Variants in NLGN1 observed in about 807,000 individuals in gnomAD.
NLGN1 encodes the protein neuroligin-1.
A neutral mutation model predicts 65.5 loss-of-function variants in NLGN1; 12 were observed. The ratio of observed to expected loss-of-function variants is 0.18; its 90% CI spans 0.12 to 0.30. The LOEUF (loss-of-function observed/expected upper bound fraction) is 0.30. Among genes scored for constraint, NLGN1 ranks in the 10% least tolerant of loss-of-function variants. The pLI is 1.00. For synonymous variants in NLGN1, 350 were observed against 359.5 expected (o/e 0.97, Z 0.30); for missense variants, 750 against 1,007.1 (o/e 0.74, Z 3.46).
intron 4 of NLGN1, among the ~76,000 whole-genome samples, chr3:174,186,203 CTG>C (rs1473074725): frequency 6.6e-6 from 1 of 152,054 alleles, no homozygotes; most frequent in Non-Finnish European, 1.5e-5. Context: ...TTTGAGAAAC[CTG>C]TGTTATTTCA....
intron 2 of NLGN1, among the ~76,000 whole-genome samples, chr3:173,601,974 A>G (rs889074890): frequency 8.5e-5 from 13 of 152,092 alleles, no homozygotes; most frequent in Non-Finnish European, 1.6e-4. Flanking sequence ...CAATTTCTTA[A>G]AAAGTGATCA....
intron 2 of NLGN1, among the ~76,000 whole-genome samples, chr3:173,475,539 C>A (rs778300651): frequency 3.9e-5 from 6 of 152,052 alleles, no homozygotes; most frequent in Non-Finnish European, 7.4e-5. Context: ...ATATGGTTTG[C>A]TAATTTTTTT....
At chr3:173,882,383 T>G (rs1347722483) in intron 4 of NLGN1, among the ~76,000 whole-genome samples, 2 of 152,198 alleles carry the variant, frequency 1.3e-5, no homozygotes, top group East Asian at 3.9e-4. Context: ...TTGACTTCTA[T>G]TTAGATATGA....
In NLGN1 at chr3:174,231,181, A is replaced by G. The variant is rs188265666; in HGVS notation, c.647-44134A>G. 7.1e-3 allele frequency among the ~76,000 whole-genome samples: 1,075 copies of G among 152,310 alleles called. 14 individuals are homozygous for G. Among genetic ancestry groups the G allele is most frequent in the Middle Eastern group, 0.027 (8 of 294 alleles). The stretch of plus-strand genomic sequence containing the variant: ...TTTTCTCAGTTATAATTTTTAGGGC[A>G]GTAATAAGAGAAAAACTTCAGCCGA... On this transcript the variant is annotated intron_variant, in intron 4 of 6. Coordinates refer to ENST00000457714, the Ensembl canonical transcript of NLGN1.
At chr3:173,438,709 G>A (rs1284727961) in intron 2 of NLGN1, among the ~76,000 whole-genome samples, 1 of 152,000 alleles carries the variant, frequency 6.6e-6, no homozygotes, top group East Asian at 1.9e-4. Flanking sequence ...TTTCAAAATG[G>A]GATTCTAAAG....
At chr3:173,863,256 TCATTTATGAC>T (rs1729502206) in intron 4 of NLGN1, among the ~76,000 whole-genome samples, 1 of 152,196 alleles carries the variant, frequency 6.6e-6, no homozygotes, top group Non-Finnish European at 1.5e-5. Context: ...CAGAACATTC[TCATTTATGAC>T]TTTTATATTT....
intron 4 of NLGN1, among the ~76,000 whole-genome samples, chr3:174,153,337 A>G (rs975207383): frequency 7.2e-5 from 11 of 152,084 alleles, no homozygotes; most frequent in African/African-American, 2.4e-4. Context: ...GTTAAACTCA[A>G]TTTTCCTTAG....
At chr3:173,421,335 C>T (rs1008302254) in intron 1 of NLGN1, among the ~76,000 whole-genome samples, 6 of 151,872 alleles carry the variant, frequency 4.0e-5, no homozygotes, top group Admixed American at 1.3e-4. Flanking sequence ...CCTTCAAATA[C>T]GTTAGTGTAC....
intron 4 of NLGN1, among the ~76,000 whole-genome samples, chr3:173,947,538 A>T (rs774046611): frequency 5.9e-5 from 9 of 152,192 alleles, no homozygotes; most frequent in Non-Finnish European, 1.2e-4. Flanking sequence ...TATTTTTTAA[A>T]TAATTACGCT....
chr3:174,279,277 C>T lies in NLGN1; in HGVS notation c.1276C>T (p.Pro426Ser), dbSNP rs770800576. 1.1e-5 allele frequency: 18 copies of T among 1,613,174 alleles called. No homozygotes were observed. Among genetic ancestry groups the T allele is most frequent in the Non-Finnish European group, 1.5e-5 (18 of 1,179,498 alleles). The change falls in exon 6 of 7, where the codon CCT becomes TCT. Residue 426 changes from proline to serine, a missense_variant. Transcript: ENST00000457714. The surrounding 1 kb of genome is among the most constrained non-coding windows in gnomAD (Gnocchi z 4.7). ...TTTTGTTGATAATTTATATGGATAT[C>T]CTGAAGGCAAAGATGTTTTGAGAGA...
chr3:173,701,205 C>G (rs1373857535), intron 3 of NLGN1, among the ~76,000 whole-genome samples: 2 of 152,150 alleles, frequency 1.3e-5, no homozygotes, highest in Admixed American at 6.5e-5. Context: ...TAATGTTCCC[C>G]TCACCATCCA....
At chr3:173,887,071 T>C (rs1734477003) in intron 4 of NLGN1, among the ~76,000 whole-genome samples, 1 of 152,132 alleles carries the variant, frequency 6.6e-6, no homozygotes. Context: ...GTATTCATCA[T>C]TGCCATTAGT....
intron 1 of NLGN1, among the ~76,000 whole-genome samples, chr3:173,417,494 A>G (rs1714040499): frequency 6.6e-6 from 1 of 151,908 alleles, no homozygotes; most frequent in Non-Finnish European, 1.5e-5. Flanking sequence ...TGGAAACAAT[A>G]ATTTTCTTTA....
chr3:173,882,731 T>G (rs946183290), intron 4 of NLGN1, among the ~76,000 whole-genome samples: 1 of 152,264 alleles, frequency 6.6e-6, no homozygotes, highest in Non-Finnish European at 1.5e-5. Context: ...ATATCATCAA[T>G]AAAGCTGTTT....
intron 4 of NLGN1, among the ~76,000 whole-genome samples, chr3:174,153,066 A>G (rs548877210): frequency 6.6e-6 from 1 of 152,068 alleles, no homozygotes; most frequent in Non-Finnish European, 1.5e-5. Flanking sequence ...CTTTGCAGAC[A>G]TAAAATACCA....
intron 4 of NLGN1, among the ~76,000 whole-genome samples, chr3:174,146,305 T>C (rs929592052): frequency 2.0e-5 from 3 of 152,164 alleles, no homozygotes. Flanking sequence ...TCAAATATTT[T>C]AAGATTTTTA....
At chr3:174,224,163 A>G (rs1204982232) in intron 4 of NLGN1, among the ~76,000 whole-genome samples, 1 of 152,192 alleles carries the variant, frequency 6.6e-6, no homozygotes, top group East Asian at 1.9e-4. Context: ...AACCACTTTC[A>G]GGGTTCTAGA....
At chr3:174,051,385 G>A (rs184586298) in intron 4 of NLGN1, among the ~76,000 whole-genome samples, 24 of 152,118 alleles carry the variant, frequency 1.6e-4, no homozygotes, top group Admixed American at 6.6e-4. Context: ...CTGATGAGAC[G>A]GTTCCATTCT....
chr3:173,645,824 C>G (rs1758159149), intron 3 of NLGN1, among the ~76,000 whole-genome samples: 1 of 152,170 alleles, frequency 6.6e-6, no homozygotes, highest in South Asian at 2.1e-4. Context: ...AGGATCGGTT[C>G]TTTCTCTGCC....
Sources: gnomAD v4.1 joint callset for allele counts (sites outside exome capture counted in the v4.1 genomes callset) on GRCh38, gnomAD v4.1.1 for gene constraint, Gnocchi (gnomAD v3.1) non-coding constraint, MANE v1.5 for transcripts, NCBI Gene and HGNC (gene_info 2026-07-23, HGNC 2026-07-21) for gene names.